The following AIRIM variants were observed in gnomAD, a reference collection of about 807,000 sequenced individuals.
AIRIM encodes AFG2 interacting ribosome maturation factor, also known as AFG2-interacting ribosome maturation factor.
the AIRIM span, chr1:37,682,280 G>T: frequency 1.3e-5 from 2 of 152,054 alleles, no homozygotes; most frequent in African/African-American, 4.8e-5. Flanking sequence ...CAACACTCTG[G>T]GAAGCTGAAA....
the AIRIM span, chr1:37,691,550 G>A: frequency 6.4e-6 from 1 of 155,358 alleles, no homozygotes; most frequent in Non-Finnish European, 1.5e-5. Context: ...CTAGCCTTCT[G>A]GGTCTCAGCA....
the AIRIM span, chr1:37,682,025 C>G: frequency 2.6e-5 from 4 of 152,028 alleles, no homozygotes; most frequent in South Asian, 8.3e-4. Context: ...CAGGAGTGAG[C>G]TGGGCAATAT....
the AIRIM span, chr1:37,690,268 A>G: frequency 7.7e-7 from 1 of 1,293,022 alleles, no homozygotes; most frequent in African/African-American, 1.5e-5. Context: ...TACAGGCGTG[A>G]GCCACCGCGC....
chr1:37,683,111 CG>C, the AIRIM span: 23 of 1,611,486 alleles, frequency 1.4e-5, no homozygotes. Flanking sequence ...TCTCCAGATA[CG>C]CATAGCTTCC....
the AIRIM span, chr1:37,690,910 G>A: frequency 6.6e-6 from 1 of 152,636 alleles, no homozygotes; most frequent in Admixed American, 6.5e-5. Flanking sequence ...GGACGTCCTA[G>A]GTGCCCAGGG....
chr1:37,690,649 A>G, the AIRIM span: 3 of 262,604 alleles, frequency 1.1e-5, no homozygotes, highest in Non-Finnish European at 2.1e-5. Context: ...TGGACTGGCC[A>G]CTCGGCTTGA....
At chr1:37,685,603 G>C in the AIRIM span, among the ~76,000 whole-genome samples, 1 of 151,906 alleles carries the variant, frequency 6.6e-6, no homozygotes, top group African/African-American at 2.4e-5. Flanking sequence ...GCCCAGGCTG[G>C]TCTCAAACTC....
At chr1:37,685,954 C>T in the AIRIM span, among the ~76,000 whole-genome samples, 3 of 152,252 alleles carry the variant, frequency 2.0e-5, no homozygotes, top group East Asian at 5.8e-4. Flanking sequence ...CCTGCTCTGA[C>T]CACCCTATTT....
chr1:37,683,587 T>C, the AIRIM span: 1 of 821,422 alleles, frequency 1.2e-6, no homozygotes, highest in South Asian at 1.9e-5. Context: ...ATGCTACAAA[T>C]ATTTCCTGAG....
the AIRIM span, chr1:37,690,352 T>C: frequency 7.8e-7 from 1 of 1,290,146 alleles, no homozygotes. Flanking sequence ...GGCAGTCTCC[T>C]GCTTCAGAGG....
At chr1:37,690,387 C>A in the AIRIM span, 3 of 1,289,702 alleles carry the variant, frequency 2.3e-6, no homozygotes, top group African/African-American at 4.6e-5. Flanking sequence ...AGCGCCGTCT[C>A]TTCTCTGACA....
the AIRIM span, among the ~76,000 whole-genome samples, chr1:37,688,596 C>G: frequency 1.3e-5 from 2 of 152,150 alleles, no homozygotes; most frequent in African/African-American, 4.8e-5. Flanking sequence ...TGGCATCCCA[C>G]AAGGTGCCTA....
At chr1:37,683,735 C>T in the AIRIM span, 4 of 258,856 alleles carry the variant, frequency 1.5e-5, no homozygotes, top group Admixed American at 5.1e-5. Context: ...GTAAAGCTAG[C>T]GGAGGTTCAG....
the AIRIM span, chr1:37,690,510 C>A: frequency 8.4e-7 from 1 of 1,192,436 alleles, no homozygotes; most frequent in African/African-American, 1.6e-5. Flanking sequence ...GCACCACGCG[C>A]CCACAGTCTC....
At chr1:37,682,493 G>A in the AIRIM span, 1 of 152,648 alleles carries the variant, frequency 6.6e-6, no homozygotes, top group Non-Finnish European at 1.5e-5. Flanking sequence ...CTTCCTCTGA[G>A]ATGGTAACAG....
chr1:37,690,412 C>T, the AIRIM span: 77 of 1,271,350 alleles, frequency 6.1e-5, no homozygotes, highest in Middle Eastern at 6.4e-4. Context: ...GTCCTGTCTC[C>T]CCTGCCCGAG....
chr1:37,683,603 G>A, the AIRIM span: 7 of 701,598 alleles, frequency 1.0e-5, no homozygotes, highest in African/African-American at 9.0e-5. Context: ...CTGAGCAACT[G>A]TTTACTAACA....
chr1:37,690,264 CG>C, the AIRIM span: 1 of 1,292,518 alleles, frequency 7.7e-7, no homozygotes, highest in Non-Finnish European at 1.0e-6. Context: ...GGATTACAGG[CG>C]TGAGCCACCG....
At chr1:37,683,498 C>G in the AIRIM span, 2 of 1,569,496 alleles carry the variant, frequency 1.3e-6, no homozygotes, top group Non-Finnish European at 1.7e-6. Context: ...AAAAAAAACA[C>G]CCTGGTGAGA....
Sources: allele counts gnomAD v4.1 joint callset (sites outside exome capture counted in the v4.1 genomes callset), GRCh38; gene constraint gnomAD v4.1.1; transcripts MANE v1.5; gene names NCBI Gene and HGNC (gene_info 2026-07-23, HGNC 2026-07-21).